VPS13B: variants seen among roughly 807,000 people sequenced by gnomAD.
VPS13B encodes the protein intermembrane lipid transfer protein VPS13B.
In VPS13B, 285 loss-of-function variants were observed where a neutral mutation model predicts 426.4. The ratio of observed to expected loss-of-function variants is 0.67; its 90% confidence interval spans 0.61 to 0.74. The LOEUF (loss-of-function observed/expected upper bound fraction) is 0.74. VPS13B is among the 30% of genes least tolerant of loss of function. The pLI is 0.00. For missense variants in VPS13B, 4,537 were observed against 4,782.6 expected, an observed-to-expected ratio of 0.95 and a Z score of 1.51; for synonymous variants, 1,676 against 1,676.4, an observed-to-expected ratio of 1.00 and a Z score of 0.01.
chr8:99,365,160 C>CT (rs920950164), intron 19 of VPS13B, among the ~76,000 whole-genome samples: 40 of 142,980 alleles, frequency 2.8e-4, no homozygotes, highest in East Asian at 8.1e-4. Flanking sequence ...TGTATCTTAC[C>CT]TTTTTTTTTT....
At chr8:99,353,476 G>T (rs1481091303) in intron 19 of VPS13B, among the ~76,000 whole-genome samples, 1 of 151,946 alleles carries the variant, frequency 6.6e-6, no homozygotes. Flanking sequence ...TGTTGTAAAG[G>T]ATTAAGGGAT....
chr8:99,746,700 A>G (rs1020291216), intron 39 of VPS13B, among the ~76,000 whole-genome samples: 3 of 152,160 alleles, frequency 2.0e-5, no homozygotes, highest in Admixed American at 6.5e-5. Flanking sequence ...TGTTTTATGA[A>G]AAATTAACCT....
intron 3 of VPS13B, among the ~76,000 whole-genome samples, chr8:99,090,059 A>G (rs1340245946): frequency 3.9e-5 from 6 of 151,962 alleles, no homozygotes; most frequent in Admixed American, 2.6e-4. Context: ...TCCCACTCCC[A>G]TCATAGCCTG....
chr8:99,715,122 G>C (rs576743802), intron 36 of VPS13B, among the ~76,000 whole-genome samples: 1 of 151,614 alleles, frequency 6.6e-6, no homozygotes, highest in Admixed American at 6.6e-5. Context: ...AGGGGACTTG[G>C]AATAGATGAT....
At chr8:99,127,596 T>C (rs1212165430) in intron 8 of VPS13B, among the ~76,000 whole-genome samples, 5 of 152,210 alleles carry the variant, frequency 3.3e-5, no homozygotes, top group Non-Finnish European at 7.3e-5. Flanking sequence ...TCATCAGCTT[T>C]ATTGCAACTT....
chr8:99,185,482 G>A (rs754085115), intron 16 of VPS13B, among the ~76,000 whole-genome samples: 6 of 152,198 alleles, frequency 3.9e-5, no homozygotes, highest in East Asian at 1.9e-4. Context: ...GCAAAGAACT[G>A]TACTCATTTT....
intron 35 of VPS13B, among the ~76,000 whole-genome samples, chr8:99,675,218 G>A (rs1163514411): frequency 1.3e-5 from 2 of 152,128 alleles, no homozygotes; most frequent in African/African-American, 4.8e-5. Flanking sequence ...TTCTTGGTTT[G>A]CAGGTTAGTT....
At chr8:99,835,357 T>C (rs1209174298) in intron 53 of VPS13B, 33 bp downstream of exon 53, 3 of 1,594,874 alleles carry the variant, frequency 1.9e-6, no homozygotes, top group Non-Finnish European at 2.6e-6. Context: ...TAGATAATAC[T>C]AAATGTGTAT....
chr8:99,306,263 A>G (rs1418446582), intron 19 of VPS13B, among the ~76,000 whole-genome samples: 1 of 152,032 alleles, frequency 6.6e-6, no homozygotes, highest in Non-Finnish European at 1.5e-5. Context: ...AGAGGCTAAG[A>G]ATCTGAGTCA....
At chr8:99,707,319 G>A (rs558324590) in intron 36 of VPS13B, among the ~76,000 whole-genome samples, 33 of 152,156 alleles carry the variant, frequency 2.2e-4, no homozygotes, top group African/African-American at 7.2e-4. Flanking sequence ...GACTTTGAGA[G>A]GATTAGGTGA....
At chr8:99,797,665 C>T (rs1024902608) in intron 43 of VPS13B, among the ~76,000 whole-genome samples, 1 of 152,078 alleles carries the variant, frequency 6.6e-6, no homozygotes, top group Non-Finnish European at 1.5e-5. Context: ...CTTATGGCCT[C>T]TAATGAAAAA....
chr8:99,556,906 A>G (rs1219447352), intron 31 of VPS13B, among the ~76,000 whole-genome samples: 1 of 152,044 alleles, frequency 6.6e-6, no homozygotes, highest in Non-Finnish European at 1.5e-5. Flanking sequence ...CTTACTATTT[A>G]TTGAAAGAAT....
In VPS13B at chr8:99,111,081, T is replaced by C. The variant is rs199785370; in HGVS notation, c.581-17T>C. 155 of 1,584,060 alleles carry C rather than the reference T, an allele frequency of 9.8e-5. No homozygotes were observed. The highest frequency in any genetic ancestry group is 1.3e-4 in the Non-Finnish European group (151 of 1,163,920). ...CTAATTTTCCTTTTTACTTAAAATG[T>C]TTTTTTTTCTTTTTAGCAACTGATT... On this transcript the variant is annotated splice_polypyrimidine_tract_variant and intron_variant, in intron 5 of 61. Coordinates refer to ENST00000357162, the MANE Select transcript of VPS13B (RefSeq NM_152564.5).
intron 17 of VPS13B, among the ~76,000 whole-genome samples, chr8:99,246,025 G>A (rs568836039): frequency 3.3e-5 from 5 of 152,048 alleles, no homozygotes; most frequent in Non-Finnish European, 7.4e-5. Context: ...ACTGTTTTTT[G>A]TTTTGTTTTG....
intron 8 of VPS13B, among the ~76,000 whole-genome samples, chr8:99,124,326 A>G (rs1411214821): frequency 6.6e-6 from 1 of 152,232 alleles, no homozygotes; most frequent in African/African-American, 2.4e-5. Context: ...GTAGAAATGT[A>G]AAATAGTGCG....
chr8:99,498,565 T>A (rs1398643396), intron 25 of VPS13B, among the ~76,000 whole-genome samples: 2 of 151,944 alleles, frequency 1.3e-5, no homozygotes, highest in African/African-American at 4.8e-5. Context: ...AATAAGCTCA[T>A]GAAAATAAAA....
intron 42 of VPS13B, among the ~76,000 whole-genome samples, chr8:99,782,743 G>A (rs1341147201): frequency 6.6e-6 from 1 of 152,104 alleles, no homozygotes; most frequent in Non-Finnish European, 1.5e-5. Flanking sequence ...TCAAGATGCA[G>A]TTGGAGGCAT....
chr8:99,181,553 G>A (rs1812947620), intron 16 of VPS13B, among the ~76,000 whole-genome samples: 1 of 152,128 alleles, frequency 6.6e-6, no homozygotes. Flanking sequence ...TCTTACCTTC[G>A]AGTTATTTTG....
At chr8:99,418,503 C>CTT (rs1816179301) in intron 21 of VPS13B, among the ~76,000 whole-genome samples, 1 of 130,572 alleles carries the variant, frequency 7.7e-6, no homozygotes. Context: ...TTCTTTCTTT[C>CTT]TTTCTTTCTT....
Sources: allele counts gnomAD v4.1 joint callset (sites outside exome capture counted in the v4.1 genomes callset), GRCh38; gene constraint gnomAD v4.1.1; transcripts MANE v1.5; gene names NCBI Gene and HGNC (gene_info 2026-07-23, HGNC 2026-07-21).